The following RPA3 variants were observed in gnomAD, a reference collection of about 807,000 sequenced individuals.
RPA3 encodes replication protein A3.
Under a neutral mutation model 13.7 loss-of-function variants are expected in RPA3, and 24 were observed. That is an observed-to-expected ratio of 1.75 (90% CI 1.27 to 2.46). The LOEUF (loss-of-function observed/expected upper bound fraction) is 2.46, where lower values mean the gene tolerates loss of function less well. RPA3 is among the 30% of genes most tolerant of loss of function. RPA3 has a pLI of 0.00. For missense variants in RPA3, 183 were observed against 151.0 expected, an observed-to-expected ratio of 1.21 and a Z score of -1.11; for synonymous variants, 59 against 51.2, an observed-to-expected ratio of 1.15 and a Z score of -0.65.
chr7:7,642,017 T>G, intron 4 of RPA3, among the ~76,000 whole-genome samples: 2 of 152,354 alleles, frequency 1.3e-5, no homozygotes, highest in Middle Eastern at 6.8e-3. Flanking sequence ...GTGGTTGTAT[T>G]GGTGCAAGTC....
intron 5 of RPA3, 196 bp downstream of exon 5, chr7:7,640,124 T>C (rs1784930911): frequency 3.3e-6 from 2 of 606,018 alleles, no homozygotes; most frequent in African/African-American, 3.7e-5. Flanking sequence ...TGAAAACACT[T>C]TGTTTCCGTG....
chr7:7,638,939 T>C, intron 6 of RPA3, 131 bp downstream of exon 6: 1 of 559,948 alleles, frequency 1.8e-6, no homozygotes, highest in Non-Finnish European at 3.0e-6. Context: ...AATTAAATTT[T>C]ACAGCCAGGG....
chr7:7,642,330 T>G (rs1440134954), intron 4 of RPA3, among the ~76,000 whole-genome samples: 1 of 152,096 alleles, frequency 6.6e-6, no homozygotes, highest in African/African-American at 2.4e-5. Context: ...TGTTTGTTTT[T>G]TTTTGTTCAG....
intron 4 of RPA3, among the ~76,000 whole-genome samples, chr7:7,655,560 C>T (rs1785320391): frequency 6.6e-6 from 1 of 152,096 alleles, no homozygotes; most frequent in African/African-American, 2.4e-5. Flanking sequence ...AGTATTTTAG[C>T]TGTGCTGTTT....
chr7:7,673,514 G>T (rs1779664309), intron 4 of RPA3: 1 of 669,124 alleles, frequency 1.5e-6, no homozygotes, highest in Admixed American at 2.4e-5. Context: ...AAAATTACTT[G>T]AAAATTATAT....
intron 2 of RPA3, among the ~76,000 whole-genome samples, chr7:7,687,864 A>G (rs1758188962): frequency 6.6e-6 from 1 of 152,234 alleles, no homozygotes; most frequent in Non-Finnish European, 1.5e-5. Context: ...CAAATAACTA[A>G]GCTGTAAATT....
rs576905041 is a variant in RPA3 at position 7,649,479 on chromosome 7, A to G, written c.-757-8304T>C. ...TCTCAACACTGTTGCATTGGCAATT[A>G]AGTTTCTAACACATGAACTTTGGGG... On this transcript the variant is annotated intron_variant, in intron 4 of 7. Transcript: ENST00000223129. Among the ~76,000 whole-genome samples the G allele has an allele frequency of 2.0e-5, 3 of 152,350 alleles. No homozygotes were observed. The South Asian group carries it at 6.2e-4, about 32-fold the overall frequency.
At chr7:7,671,210 T>G (rs940862837) in intron 4 of RPA3, among the ~76,000 whole-genome samples, 2 of 152,372 alleles carry the variant, frequency 1.3e-5, no homozygotes, top group African/African-American at 4.8e-5. Flanking sequence ...CAGCTTCGTG[T>G]GTCAATAGCC....
chr7:7,692,311 T>G (rs899120776), intron 2 of RPA3: 3 of 152,074 alleles, frequency 2.0e-5, no homozygotes, highest in Non-Finnish European at 4.4e-5. Flanking sequence ...CTAGTAGTCA[T>G]GAGGAGAATT....
At chr7:7,700,231 C>T (rs568705777) in intron 2 of RPA3, among the ~76,000 whole-genome samples, 1 of 152,212 alleles carries the variant, frequency 6.6e-6, no homozygotes, top group Non-Finnish European at 1.5e-5. Flanking sequence ...TTTCTCCCTG[C>T]TCCCCACATG....
chr7:7,716,579 C>A (rs1431786852), intron 1 of RPA3, among the ~76,000 whole-genome samples: 1 of 152,292 alleles, frequency 6.6e-6, no homozygotes, highest in South Asian at 2.1e-4. Flanking sequence ...TTTGTCACCA[C>A]GTGCACAGTA....
chr7:7,645,511 C>T (rs1785073031), intron 4 of RPA3, among the ~76,000 whole-genome samples: 1 of 152,162 alleles, frequency 6.6e-6, no homozygotes, highest in Non-Finnish European at 1.5e-5. Flanking sequence ...AGTAAATCCA[C>T]GTTCTATGTG....
intron 1 of RPA3, among the ~76,000 whole-genome samples, chr7:7,715,698 C>T (rs1267691214): frequency 3.3e-5 from 5 of 152,052 alleles, no homozygotes; most frequent in African/African-American, 1.2e-4. Flanking sequence ...CATAGTTTTA[C>T]CATTGAATGT....
At chr7:7,682,377 A>G (rs1011620971) in intron 4 of RPA3, among the ~76,000 whole-genome samples, 4 of 152,186 alleles carry the variant, frequency 2.6e-5, no homozygotes, top group Admixed American at 6.5e-5. Flanking sequence ...ATTATCTCCT[A>G]TGGAATTCCT....
intron 4 of RPA3, among the ~76,000 whole-genome samples, chr7:7,680,697 T>A (rs957139507): frequency 2.4e-4 from 37 of 151,572 alleles, no homozygotes; most frequent in South Asian, 1.0e-3. Flanking sequence ...CATTTTTTTT[T>A]ATGTGTGTTC....
intron 2 of RPA3, among the ~76,000 whole-genome samples, chr7:7,696,312 AC>A (rs1780315887): frequency 1.3e-5 from 2 of 151,620 alleles, no homozygotes; most frequent in Admixed American, 6.6e-5. Context: ...AAAAAAAAAA[AC>A]ACCCCAAAAC....
intron 2 of RPA3, among the ~76,000 whole-genome samples, chr7:7,708,977 G>A (rs1780679521): frequency 6.6e-6 from 1 of 151,874 alleles, no homozygotes; most frequent in Non-Finnish European, 1.5e-5. Flanking sequence ...GGGAGAGGAA[G>A]GGAGAAAGTG....
At chr7:7,662,181 G>T (rs571497279) in intron 4 of RPA3, among the ~76,000 whole-genome samples, 1 of 152,260 alleles carries the variant, frequency 6.6e-6, no homozygotes, top group South Asian at 2.1e-4. Context: ...GAGTGTCCCA[G>T]GTCAGCTTCA....
chr7:7,672,420 G>T (rs887930467), intron 4 of RPA3, among the ~76,000 whole-genome samples: 1 of 152,102 alleles, frequency 6.6e-6, no homozygotes, highest in Non-Finnish European at 1.5e-5. Flanking sequence ...TCTCACCAAC[G>T]CAAGGATTTG....
Sources: allele counts gnomAD v4.1 joint callset (sites outside exome capture counted in the v4.1 genomes callset), GRCh38; gene constraint gnomAD v4.1.1; transcripts MANE v1.5; gene names NCBI Gene and HGNC (gene_info 2026-07-23, HGNC 2026-07-21).